The following VSIR variants were observed in gnomAD, a reference collection of about 807,000 sequenced individuals.
VSIR encodes the protein V-type immunoglobulin domain-containing suppressor of T-cell activation.
VSIR carries 10 observed loss-of-function variants against 31.0 expected under a neutral mutation model. That is an observed-to-expected ratio of 0.32 (90% CI 0.20 to 0.55). The LOEUF (loss-of-function observed/expected upper bound fraction) is 0.55. Among genes scored for constraint, VSIR ranks in the 20% least tolerant of loss-of-function variants. The pLI is 0.93. For synonymous variants in VSIR, 179 were observed against 180.1 expected (o/e 0.99, Z 0.05); for missense variants, 356 against 416.2 (o/e 0.86, Z 1.26).
At chr10:71,767,704 C>T (rs1004259227) in intron 1 of VSIR, among the ~76,000 whole-genome samples, 1 of 152,238 alleles carries the variant, frequency 6.6e-6, no homozygotes, top group Non-Finnish European at 1.5e-5. Context: ...GGGCCTGAAG[C>T]CAGCAAGTCT....
intron 3 of VSIR, 143 bp downstream of exon 3, chr10:71,760,725 A>T: frequency 1.3e-6 from 1 of 742,556 alleles, no homozygotes. Context: ...AGCAGAAGGG[A>T]TGTGCAGCAG....
intron 3 of VSIR, among the ~76,000 whole-genome samples, chr10:71,758,754 A>G (rs1435902285): frequency 6.6e-6 from 1 of 152,192 alleles, no homozygotes; most frequent in East Asian, 1.9e-4. Context: ...GAGGCTAGGC[A>G]TGGTGGCTCA....
chr10:71,766,908 G>A lies in VSIR; in HGVS notation c.83-4882C>T, dbSNP rs969094042. Among the ~76,000 whole-genome samples, 8 of 152,304 alleles carry A rather than the reference G, an allele frequency of 5.3e-5. No homozygotes were observed. The East Asian group carries it at 5.8e-4, about 11-fold the overall frequency. On this transcript the variant is annotated intron_variant, in intron 1 of 6. Transcript: ENST00000394957. ...GCTATTTAGAAAAAATGAACTGACC[G>A]TGCATTGACCTCCACGCCCTCCGTG... is the stretch of plus-strand genomic sequence containing the variant.
chr10:71,771,013 A>T (rs922784347), intron 1 of VSIR, among the ~76,000 whole-genome samples: 36 of 152,128 alleles, frequency 2.4e-4, no homozygotes, highest in African/African-American at 8.7e-4. Context: ...GCACTGGGTT[A>T]CTCAACAAGG....
At chr10:71,757,310 C>T (rs886360067) in intron 3 of VSIR, among the ~76,000 whole-genome samples, 1 of 152,216 alleles carries the variant, frequency 6.6e-6, no homozygotes. Flanking sequence ...CTTCTATCCC[C>T]AGGTAGAGAT....
intron 3 of VSIR, among the ~76,000 whole-genome samples, chr10:71,758,378 G>T (rs1200256639): frequency 6.6e-6 from 1 of 152,196 alleles, no homozygotes; most frequent in Non-Finnish European, 1.5e-5. Flanking sequence ...GACACATACA[G>T]GGTATAGAGG....
intron 1 of VSIR, among the ~76,000 whole-genome samples, chr10:71,765,194 C>G (rs1840504500): frequency 6.6e-6 from 1 of 152,264 alleles, no homozygotes; most frequent in South Asian, 2.1e-4. Context: ...CTCCCAGCTT[C>G]TGCCCCTTTC....
At chr10:71,754,926 T>C in intron 4 of VSIR, 1 of 367,366 alleles carries the variant, frequency 2.7e-6, no homozygotes, top group Non-Finnish European at 5.6e-6. Context: ...TGAGCTAAGT[T>C]GTCTGTAAGA....
chr10:71,753,673 G>T, intron 4 of VSIR: 1 of 437,928 alleles, frequency 2.3e-6, no homozygotes, highest in Non-Finnish European at 4.6e-6. Flanking sequence ...CCAATTAGAT[G>T]CAGTGACCCC....
In VSIR at chr10:71,759,884, C is replaced by CACATATATATACACACACATAT. The variant is rs1554868497; in HGVS notation, c.568+983_568+984insATATGTGTGTGTATATATATGT. ...ACACACATATATATACACACACACA[C>CACATATATATACACACACATAT]ATATACACACACACATATATACACA... On this transcript the variant is annotated intron_variant, in intron 3 of 6. Coordinates refer to ENST00000394957, the MANE Select transcript of VSIR (RefSeq NM_022153.2). Among the ~76,000 whole-genome samples, 9 of 49,188 alleles carry CACATATATATACACACACATAT rather than the reference C, an allele frequency of 1.8e-4. 2 individuals carry two copies. The highest frequency in any genetic ancestry group is 8.9e-4 in the East Asian group (1 of 1,128). 32.3% of individuals were successfully genotyped at this position (49,188 alleles called of 152,430 possible). A position where few individuals can be genotyped will look rare whatever the true frequency, so the allele number is the denominator to read the frequency against.
In VSIR at chr10:71,761,724, A is replaced by G. The variant is rs933792657; in HGVS notation, c.385T>C (p.Phe129Leu). 1.2e-6 allele frequency: 2 copies of G among 1,613,962 alleles called. No homozygotes were observed. The highest frequency in any genetic ancestry group is 1.7e-5 in the Admixed American group (1 of 60,004). Residue 129 changes from phenylalanine to leucine, a missense_variant, in exon 2 of 7, where the codon TTC (phenylalanine) becomes CTC (leucine). Phe to Leu is a conservative substitution (Grantham distance 22). This residue lies in a region of VSIR where 166 missense variants were observed against 231.0 expected (regional missense o/e 0.72). Transcript: ENST00000394957. ...LESASDHHGN[F>L]SITMRNLTLL... is the part of the protein sequence containing the mutation. ...GTCAGGTTGCGCATGGTGATGGAGA[A>G]GTTGCCATGGTGGTCGGAGGCCGAC... is the stretch of plus-strand genomic sequence containing the variant.
intron 1 of VSIR, among the ~76,000 whole-genome samples, chr10:71,768,350 T>C (rs1840605641): frequency 1.3e-5 from 2 of 152,160 alleles, no homozygotes; most frequent in South Asian, 2.1e-4. Flanking sequence ...TTTGTATTTT[T>C]AGTAGAGACG....
At chr10:71,761,028 G>T in intron 2 of VSIR, 104 bp from the exon 3 acceptor site, 1 of 1,161,374 alleles carries the variant, frequency 8.6e-7, no homozygotes, top group South Asian at 1.3e-5. Flanking sequence ...TCTCACGCTA[G>T]TGCCTACTCG....
Position 71,759,846 on chromosome 10 carries a change from C to CACACATATATATACACACACACAT in VSIR, c.568+1021_568+1022insATGTGTGTGTGTATATATATGTGT, listed in dbSNP as rs776230069. The stretch of plus-strand genomic sequence containing the variant: ...ACACACACACACACACACACACACA[C>CACACATATATATACACACACACAT]ATATACACACACACACACATATATA... On this transcript the variant is annotated intron_variant, in intron 3 of 6. Coordinates refer to ENST00000394957, the MANE Select transcript of VSIR (RefSeq NM_022153.2). 8.3e-5 allele frequency among the ~76,000 whole-genome samples: 5 copies of CACACATATATATACACACACACAT among 59,934 alleles called. 1 individual carries two copies. The highest frequency in any genetic ancestry group is 1.4e-4 in the Non-Finnish European group (4 of 29,060). The allele number at this position is 59,934 out of a possible 152,430, so 39.3% of individuals were successfully genotyped here.
At chr10:71,763,696 A>G (rs1349493339) in intron 1 of VSIR, among the ~76,000 whole-genome samples, 3 of 152,238 alleles carry the variant, frequency 2.0e-5, no homozygotes, top group Non-Finnish European at 2.9e-5. Context: ...GAGTTGAGGC[A>G]ACGGTTAGTA....
At chr10:71,772,933 C>T (rs1398702237) in intron 1 of VSIR, among the ~76,000 whole-genome samples, 3 of 152,238 alleles carry the variant, frequency 2.0e-5, no homozygotes, top group Non-Finnish European at 4.4e-5. Context: ...CCTCTGTGTC[C>T]TCTGCAACAC....
intron 4 of VSIR, among the ~76,000 whole-genome samples, chr10:71,754,054 C>A (rs192671819): frequency 7.3e-4 from 111 of 152,340 alleles, no homozygotes; most frequent in African/African-American, 2.6e-3. Context: ...GCTCCCAGCC[C>A]TTTCCTTTTC....
rs967295127 is a variant in VSIR at position 71,751,162 on chromosome 10, C to T, written c.*91G>A. ...AGAGCAGGAGGGAGGGAACCAGGGC[C>T]GAGGCCAAGGAGGCCACTCACAGAG... On this transcript the variant is annotated 3_prime_UTR_variant, in exon 7 of 7. Transcript: ENST00000394957. The surrounding 1 kb of genome is among the most constrained non-coding windows in gnomAD (Gnocchi z 4.9). 10 of 1,443,810 alleles carry T rather than the reference C, an allele frequency of 6.9e-6. No individual in the cohort carries two copies. Among genetic ancestry groups the T allele is most frequent in the Middle Eastern group, 1.8e-4 (1 of 5,414 alleles). 89.4% of individuals were successfully genotyped at this position (1,443,810 alleles called of 1,614,324 possible).
intron 3 of VSIR, among the ~76,000 whole-genome samples, chr10:71,756,214 T>G (rs1840143749): frequency 6.6e-6 from 1 of 152,162 alleles, no homozygotes; most frequent in Admixed American, 6.5e-5. Context: ...CAAGACCCCC[T>G]CTGAAGAGAT....
Sources: gnomAD v4.1 joint callset for allele counts (sites outside exome capture counted in the v4.1 genomes callset) on GRCh38, gnomAD v4.1.1 for gene constraint, gnomAD v4.1.1 regional missense constraint, Gnocchi (gnomAD v3.1) non-coding constraint, MANE v1.5 for transcripts, NCBI Gene and HGNC (gene_info 2026-07-23, HGNC 2026-07-21) for gene names.